The following CFH variants were observed in gnomAD, a reference collection of about 807,000 sequenced individuals.
CFH encodes complement factor H.
In CFH, 53 loss-of-function variants were observed where a neutral mutation model predicts 147.3. That is an observed-to-expected ratio of 0.36 (90% CI 0.29 to 0.45). The LOEUF (loss-of-function observed/expected upper bound fraction) is 0.45, where lower values mean the gene tolerates loss of function less well. CFH is among the 20% of genes least tolerant of loss of function. CFH has a pLI of 1.00. For missense variants in CFH, 1,380 were observed against 1,498.0 expected, an observed-to-expected ratio of 0.92 and a Z score of 1.30; for synonymous variants, 536 against 489.4, an observed-to-expected ratio of 1.10 and a Z score of -1.26.
intron 1 of CFH, among the ~76,000 whole-genome samples, chr1:196,665,995 A>G (rs1482981377): frequency 6.6e-6 from 1 of 152,220 alleles, no homozygotes; most frequent in Non-Finnish European, 1.5e-5. Flanking sequence ...ACCCATTGCC[A>G]AGGTTACTTG....
intron 9 of CFH, among the ~76,000 whole-genome samples, chr1:196,701,952 G>A (rs773146422): frequency 6.6e-6 from 1 of 152,130 alleles, no homozygotes; most frequent in Non-Finnish European, 1.5e-5. Flanking sequence ...CTTACAGTAC[G>A]ATCCTGTAGC....
At chr1:196,684,852 G>C (rs1478189137) in intron 6 of CFH, among the ~76,000 whole-genome samples, 1 of 151,996 alleles carries the variant, frequency 6.6e-6, no homozygotes, top group Non-Finnish European at 1.5e-5. Flanking sequence ...AAGGGATTAA[G>C]AGCCCAGGAG....
At chr1:196,743,758 A>G (rs1652900790) in intron 20 of CFH, 130 bp downstream of exon 20, 4 of 1,327,896 alleles carry the variant, frequency 3.0e-6, no homozygotes, top group Non-Finnish European at 3.2e-6. Context: ...ATGGTGCTTA[A>G]AATTCAATTC....
intron 11 of CFH, among the ~76,000 whole-genome samples, chr1:196,722,190 T>C (rs567177672): frequency 6.6e-6 from 1 of 152,206 alleles, no homozygotes; most frequent in East Asian, 1.9e-4. Flanking sequence ...GTATTGACCA[T>C]CTATTTCCAT....
intron 3 of CFH, 64 bp downstream of exon 3, chr1:196,674,026 T>C (rs796632528): frequency 5.4e-6 from 6 of 1,117,036 alleles, no homozygotes; most frequent in East Asian, 5.0e-5. Context: ...TACTACTTTA[T>C]ATATTTTTAA....
intron 9 of CFH, chr1:196,701,259 C>T: frequency 2.5e-6 from 4 of 1,611,982 alleles, no homozygotes; most frequent in Non-Finnish European, 3.4e-6. Context: ...GAAGGAGTTG[C>T]TAGTGGAATC....
At chr1:196,686,989 C>T (rs1667851274) in intron 7 of CFH, among the ~76,000 whole-genome samples, 1 of 151,986 alleles carries the variant, frequency 6.6e-6, no homozygotes, top group African/African-American at 2.4e-5. Flanking sequence ...AGTACAAATT[C>T]ACAATTGGAA....
intron 9 of CFH, chr1:196,692,299 T>G: frequency 2.9e-6 from 1 of 341,778 alleles, no homozygotes; most frequent in Non-Finnish European, 4.1e-6. Flanking sequence ...ACCCAAATCT[T>G]TTTGCTTCAT....
At position 196,747,476 on chromosome 1, in the gene CFH, A is replaced by C; in HGVS notation, c.*163A>C. On this transcript the variant is annotated 3_prime_UTR_variant, in exon 22 of 22. Coordinates refer to ENST00000367429, the MANE Select transcript of CFH (RefSeq NM_000186.4). ...CTGAGACCGGTGGCTCTCTTCTTAA[A>C]AGCACCATATTAAATCCTGGAAAAC... 4.4e-6 allele frequency: 4 copies of C among 899,414 alleles called. No individual in the cohort carries two copies. The highest frequency in any genetic ancestry group is 6.9e-6 in the Non-Finnish European group (4 of 575,722). The allele number at this position is 899,414 out of a possible 1,614,324, so 55.7% of individuals were successfully genotyped here. A position where few individuals can be genotyped will look rare whatever the true frequency, so the allele number is the denominator to read the frequency against.
At position 196,677,578 on chromosome 1, in the gene CFH, T is replaced by G; in HGVS notation, c.530T>G (p.Val177Gly). 1 of 1,613,380 alleles carries G rather than the reference T, an allele frequency of 6.2e-7. No homozygotes were observed. The highest frequency in any genetic ancestry group is 8.5e-7 in the Non-Finnish European group (1 of 1,179,524). Residue 177 changes from valine (V) to glycine (G), a missense_variant, in exon 5 of 22, where the codon GTA (valine) becomes GGA (glycine). Val to Gly is a moderately radical substitution (Grantham distance 109). Coordinates refer to ENST00000367429, the MANE Select transcript of CFH (RefSeq NM_000186.4). Reference protein sequence around the residue: ...EYHFGQAVRFVCNSGYKIEGD... With the variant: ...EYHFGQAVRFGCNSGYKIEGD... ...CATTTTGGACAAGCAGTACGGTTTG[T>G]ATGTAACTCAGGCTACAAGATTGAA...
At chr1:196,735,215 T>G (rs1482540226) in intron 15 of CFH, among the ~76,000 whole-genome samples, 1 of 152,148 alleles carries the variant, frequency 6.6e-6, no homozygotes, top group Non-Finnish European at 1.5e-5. Flanking sequence ...ATATGGAAGT[T>G]TATTGTTTAA....
chr1:196,712,633 T>C (rs184749340), intron 9 of CFH, among the ~76,000 whole-genome samples: 262 of 151,704 alleles, frequency 1.7e-3, no homozygotes, highest in Admixed American at 3.2e-3. Flanking sequence ...ATTATTATTA[T>C]ACTTTAAGTT....
At position 196,668,332 on chromosome 1, in the gene CFH, A is replaced by G. The variant is rs530862353; in HGVS notation, c.59-4646A>G. On this transcript the variant is annotated intron_variant, in intron 1 of 21. Transcript: ENST00000367429. ...TTTTTGAAGTATATTTTCACCATTT[A>G]TAGAGTTCTCTGCTGACTTTTAATT... 5.9e-5 allele frequency among the ~76,000 whole-genome samples: 9 copies of G among 152,288 alleles called. No individual in the cohort carries two copies. In the South Asian group the frequency reaches 6.2e-4, roughly 11 times the overall value.
At chr1:196,667,392 C>T (rs1667137258) in intron 1 of CFH, among the ~76,000 whole-genome samples, 1 of 152,150 alleles carries the variant, frequency 6.6e-6, no homozygotes, top group South Asian at 2.1e-4. Context: ...GACACATTTG[C>T]AATTATTACA....
At chr1:196,674,627 A>G (rs181207378) in intron 3 of CFH, among the ~76,000 whole-genome samples, 1 of 152,278 alleles carries the variant, frequency 6.6e-6, no homozygotes, top group African/African-American at 2.4e-5. Context: ...TTAGATCACT[A>G]TAATCGTATA....
intron 1 of CFH, among the ~76,000 whole-genome samples, chr1:196,669,231 A>G (rs970180975): frequency 5.3e-5 from 8 of 152,222 alleles, no homozygotes; most frequent in African/African-American, 1.4e-4. Flanking sequence ...GAAGCAGAGC[A>G]TAAAAGTTTG....
chr1:196,738,524 G>A (rs758734975), intron 17 of CFH, among the ~76,000 whole-genome samples: 1 of 152,130 alleles, frequency 6.6e-6, no homozygotes, highest in Non-Finnish European at 1.5e-5. Context: ...AAACAAAGTG[G>A]CTATATGCTT....
chr1:196,703,488 C>G (rs543007965), intron 9 of CFH, among the ~76,000 whole-genome samples: 1 of 152,254 alleles, frequency 6.6e-6, no homozygotes, highest in South Asian at 2.1e-4. Context: ...CTCCATATTT[C>G]CCACATGGGG....
At chr1:196,747,028 A>G in intron 21 of CFH, 83 bp from the exon 22 acceptor site, 1 of 1,583,434 alleles carries the variant, frequency 6.3e-7, no homozygotes, top group Non-Finnish European at 8.6e-7. Flanking sequence ...GAACCATCAT[A>G]TAACATTCTA....
Sources: allele counts gnomAD v4.1 joint callset (sites outside exome capture counted in the v4.1 genomes callset), GRCh38; gene constraint gnomAD v4.1.1; transcripts MANE v1.5; gene names NCBI Gene and HGNC (gene_info 2026-07-23, HGNC 2026-07-21).